NWD2: variants seen among roughly 807,000 people sequenced by gnomAD.
NWD2 encodes NACHT and WD repeat domain containing 2, also known as NACHT and WD repeat domain-containing protein 2.
Under a neutral mutation model 132.7 loss-of-function variants are expected in NWD2, and 37 were observed. That is an observed-to-expected ratio of 0.28 (90% CI 0.21 to 0.37). The LOEUF (loss-of-function observed/expected upper bound fraction) is 0.37. Ranked by LOEUF, NWD2 falls within the 10% of genes least tolerant of loss-of-function variation. The pLI is 1.00. For synonymous variants in NWD2, 705 were observed against 803.0 expected, an observed-to-expected ratio of 0.88 and a Z score of 2.06; for missense variants, 1,592 against 2,122.4, an observed-to-expected ratio of 0.75 and a Z score of 4.91.
chr4:37,334,331 C>T (rs1226454706), intron 2 of NWD2, among the ~76,000 whole-genome samples: 1 of 151,670 alleles, frequency 6.6e-6, no homozygotes, highest in Middle Eastern at 3.4e-3. Context: ...TAATGTAGTT[C>T]CAGCTTCGTT....
intron 3 of NWD2, among the ~76,000 whole-genome samples, chr4:37,411,176 A>G (rs1022356762): frequency 6.6e-6 from 1 of 152,150 alleles, no homozygotes; most frequent in African/African-American, 2.4e-5. Context: ...GAGACATGAA[A>G]AAACTTTCAA....
rs532926998 is a variant in NWD2, at chr4:37,304,367, C to T, written c.152-21569C>T. On this transcript the variant is annotated intron_variant, in intron 1 of 6. Transcript: ENST00000309447. ...AGAGCCAAACCATATTATTCTACCC[C>T]GGTCCTTCCCAAATCTCATGTCCTT... 1.8e-4 allele frequency among the ~76,000 whole-genome samples: 27 copies of T among 150,736 alleles called. No homozygotes were observed. The East Asian group carries it at 2.7e-3, about 15-fold the overall frequency.
At chr4:37,333,569 C>T (rs1255403627) in intron 2 of NWD2, among the ~76,000 whole-genome samples, 1 of 152,136 alleles carries the variant, frequency 6.6e-6, no homozygotes, top group Non-Finnish European at 1.5e-5. Context: ...ATCACAAACC[C>T]AAGTCCCTTT....
chr4:37,362,910 C>T (rs1720009598), intron 3 of NWD2, among the ~76,000 whole-genome samples: 1 of 152,138 alleles, frequency 6.6e-6, no homozygotes, highest in Non-Finnish European at 1.5e-5. Context: ...AAAAACTATG[C>T]ATCTGACCAA....
rs1193150423 is a variant in NWD2 at position 37,313,149 on chromosome 4, A to C, written c.152-12787A>C. On this transcript the variant is annotated intron_variant, in intron 1 of 6. Coordinates refer to ENST00000309447, the MANE Select transcript of NWD2 (RefSeq NM_001144990.2). ...AGGATGAGGCTGGCCTCATAAAATG[A>C]GTTAGGGAGGATTCCCTCTTTTTCT... Among the ~76,000 whole-genome samples the C allele has an allele frequency of 1.1e-4, 16 of 151,268 alleles. 1 individual carries two copies. The highest frequency in any genetic ancestry group is 3.7e-4 in the African/African-American group (15 of 40,550).
In NWD2 at chr4:37,384,496, A is replaced by G. The variant is rs561823873; in HGVS notation, c.357+28014A>G. On this transcript the variant is annotated intron_variant, in intron 3 of 6. Transcript: ENST00000309447. ...CTCTTCAGAGCCTTTGGCAAGCCAC[A>G]TAATGACAAAAAGCCATATTCTCTC... Among the ~76,000 whole-genome samples the G allele has an allele frequency of 1.4e-4, 21 of 152,362 alleles. No individual in the cohort carries two copies. In the South Asian group the frequency reaches 4.1e-3, roughly 30 times the overall value.
chr4:37,261,119 A>G (rs1717627315), intron 1 of NWD2, among the ~76,000 whole-genome samples: 1 of 152,242 alleles, frequency 6.6e-6, no homozygotes, highest in East Asian at 1.9e-4. Context: ...ATGAGCTTTC[A>G]TTAAACATTA....
chr4:37,316,054 A>C, intron 1 of NWD2, among the ~76,000 whole-genome samples: 1 of 151,854 alleles, frequency 6.6e-6, no homozygotes, highest in Non-Finnish European at 1.5e-5. Context: ...AAAGAAGAAG[A>C]TCTACTTATA....
At chr4:37,291,742 CTG>C (rs1203907800) in intron 1 of NWD2, among the ~76,000 whole-genome samples, 1 of 151,936 alleles carries the variant, frequency 6.6e-6, no homozygotes, top group Non-Finnish European at 1.5e-5. Flanking sequence ...CTGTGTAAAA[CTG>C]TATCAGTGTT....
At chr4:37,361,289 C>T (rs1161831374) in intron 3 of NWD2, among the ~76,000 whole-genome samples, 2 of 152,014 alleles carry the variant, frequency 1.3e-5, no homozygotes, top group African/African-American at 4.8e-5. Context: ...ATTCCAAAAA[C>T]TTAAGGGGAA....
At chr4:37,267,157 C>G (rs1008229710) in intron 1 of NWD2, among the ~76,000 whole-genome samples, 2 of 152,092 alleles carry the variant, frequency 1.3e-5, no homozygotes, top group East Asian at 3.9e-4. Context: ...GTGCTGGAAC[C>G]TCTTCTATGA....
At chr4:37,384,750 C>T (rs1359854339) in intron 3 of NWD2, among the ~76,000 whole-genome samples, 1 of 152,180 alleles carries the variant, frequency 6.6e-6, no homozygotes, top group Non-Finnish European at 1.5e-5. Flanking sequence ...AAAGAACTTT[C>T]CATGTTTTGG....
intron 3 of NWD2, among the ~76,000 whole-genome samples, chr4:37,417,350 CA>C (rs141952941): frequency 6.7e-6 from 1 of 149,664 alleles, no homozygotes; most frequent in East Asian, 2.0e-4. Context: ...AGAGCCATTG[CA>C]AAAAAAATGA....
chr4:37,366,976 A>C (rs1258554177), intron 3 of NWD2, among the ~76,000 whole-genome samples: 1 of 152,194 alleles, frequency 6.6e-6, no homozygotes, highest in Non-Finnish European at 1.5e-5. Context: ...TTATAACATG[A>C]CCTAATTAAC....
At chr4:37,377,848 GAAGTTTAAT>G (rs1220085114) in intron 3 of NWD2, among the ~76,000 whole-genome samples, 1 of 152,074 alleles carries the variant, frequency 6.6e-6, no homozygotes, top group Non-Finnish European at 1.5e-5. Context: ...AAATGTATTA[GAAGTTTAAT>G]AAGTTTAAAT....
rs1251446347 is a variant in NWD2, at chr4:37,443,632, C to G, written c.1644C>G (p.Asn548Lys). The G allele has an allele frequency of 6.4e-7, 1 of 1,551,990 alleles. No homozygotes were observed. The highest frequency in any genetic ancestry group is 8.7e-7 in the Non-Finnish European group (1 of 1,147,056). The part of the protein sequence containing the change: ...FVRIVLSTLP[N>K]KHGILQKLRC... ...GGATAGTCCTTTCCACGCTGCCCAA[C>G]AAACATGGGATCTTGCAGAAACTAA... Residue 548 changes from asparagine (N) to lysine (K), a missense_variant, in exon 7 of 7, where the codon AAC (asparagine) becomes AAG (lysine). Around this residue, in one of 7 missense-constraint regions of NWD2, gnomAD observed 1,071 missense variants for 1,398.0 expected, o/e 0.77. Transcript: ENST00000309447. This position sits in a 1 kb window ranked among gnomAD's most constrained non-coding sequence, Gnocchi z 4.1.
intron 6 of NWD2, among the ~76,000 whole-genome samples, chr4:37,441,535 T>C (rs1184369710): frequency 6.6e-6 from 1 of 152,198 alleles, no homozygotes; most frequent in African/African-American, 2.4e-5. Context: ...TCAAGACTTA[T>C]GTGGGATGTG....
chr4:37,305,994 G>A (rs1718702387), intron 1 of NWD2, among the ~76,000 whole-genome samples: 1 of 152,100 alleles, frequency 6.6e-6, no homozygotes, highest in Non-Finnish European at 1.5e-5. Flanking sequence ...TTTGTTGAGA[G>A]ACTTCTTATT....
chr4:37,296,133 C>G (rs1199578744), intron 1 of NWD2, among the ~76,000 whole-genome samples: 1 of 152,154 alleles, frequency 6.6e-6, no homozygotes, highest in Non-Finnish European at 1.5e-5. Context: ...CATTGTTCTT[C>G]CTTTTCTGTT....
Sources: allele counts gnomAD v4.1 joint callset (sites outside exome capture counted in the v4.1 genomes callset), GRCh38; gene constraint gnomAD v4.1.1; regional missense constraint gnomAD v4.1.1; non-coding constraint Gnocchi (gnomAD v3.1); transcripts MANE v1.5; gene names NCBI Gene and HGNC (gene_info 2026-07-23, HGNC 2026-07-21).